PLPP3: variants seen among roughly 807,000 people sequenced by gnomAD.
PLPP3 encodes PAP2 beta.
In PLPP3, 6 loss-of-function variants were observed where a neutral mutation model predicts 29.6. That is an observed-to-expected ratio of 0.20 (90% CI 0.11 to 0.40). The LOEUF is 0.40. PLPP3 is among the 10% of genes least tolerant of loss of function. PLPP3 has a pLI of 1.00. For missense variants in PLPP3, 308 were observed against 407.7 expected (o/e 0.76, Z 2.11); for synonymous variants, 152 against 159.7 (o/e 0.95, Z 0.36).
At chr1:56,542,978 T>C (rs1240520853) in intron 1 of PLPP3, among the ~76,000 whole-genome samples, 1 of 149,212 alleles carries the variant, frequency 6.7e-6, no homozygotes, top group African/African-American at 2.5e-5. Flanking sequence ...ATTGCACCAC[T>C]GCACTCCAGT....
intron 1 of PLPP3, among the ~76,000 whole-genome samples, chr1:56,552,081 A>C (rs1178184619): frequency 6.6e-6 from 1 of 152,122 alleles, no homozygotes; most frequent in Non-Finnish European, 1.5e-5. Flanking sequence ...TCCTATGCAC[A>C]CTGGTTTTTG....
chr1:56,538,958 G>GAAAAAAAAAAAAAA (rs1645948817), intron 1 of PLPP3: 4 of 39,740 alleles, frequency 1.0e-4, no homozygotes, highest in African/African-American at 1.6e-4. Context: ...CTTCTGGGCT[G>GAAAAAAAAAAAAAA]CAAAAAAAAA....
chr1:56,506,569 G>A (rs1294141556), intron 5 of PLPP3, among the ~76,000 whole-genome samples: 1 of 152,204 alleles, frequency 6.6e-6, no homozygotes, highest in Non-Finnish European at 1.5e-5. Context: ...CCACAGCAAT[G>A]GCAGCCGGGC....
chr1:56,515,124 C>A (rs149227716), intron 4 of PLPP3, among the ~76,000 whole-genome samples: 1 of 152,280 alleles, frequency 6.6e-6, no homozygotes, highest in East Asian at 1.9e-4. Flanking sequence ...CCTCCCTGAG[C>A]CTCCATTTTC....
rs912610843 is a variant in PLPP3, at chr1:56,579,126, G to C, written c.-110C>G. 4.2e-6 allele frequency: 6 copies of C among 1,443,512 alleles called. No homozygotes were observed. The African/African-American group carries it at 9.0e-5, about 22-fold the overall frequency. 89.4% of individuals were successfully genotyped at this position (1,443,512 alleles called of 1,614,324 possible). A position where few individuals can be genotyped will look rare whatever the true frequency, so the allele number is the denominator to read the frequency against. On this transcript the variant is annotated 5_prime_UTR_variant, in exon 1 of 6. Coordinates refer to ENST00000371250, the MANE Select transcript of PLPP3 (RefSeq NM_003713.5). Reference sequence around the variant, plus strand: ...GGCCGAGGCTGCTGCGGATAGTGGCGGGTCGGCCCCGGCTCCGGGCGCGGC... The same window carrying C: ...GGCCGAGGCTGCTGCGGATAGTGGCCGGTCGGCCCCGGCTCCGGGCGCGGC...
chr1:56,563,486 T>C (rs1352729538), intron 1 of PLPP3, among the ~76,000 whole-genome samples: 2 of 152,230 alleles, frequency 1.3e-5, no homozygotes, highest in Non-Finnish European at 2.9e-5. Context: ...TCCATTTCTG[T>C]AGAAAATTGG....
chr1:56,538,970 A>AAAAAAAAAAAAAAAAC (rs1005848195), intron 1 of PLPP3: 8 of 150,768 alleles, frequency 5.3e-5, no homozygotes, highest in Non-Finnish European at 8.9e-5. Context: ...AAAAAAAAAA[A>AAAAAAAAAAAAAAAAC]ACACAGTGGA....
At chr1:56,555,433 T>TAAAAAAAAAAAAAAAACAAAAAAA (rs1646068442) in intron 1 of PLPP3, among the ~76,000 whole-genome samples, 1 of 33,216 alleles carries the variant, frequency 3.0e-5, no homozygotes, top group Admixed American at 3.3e-4. Context: ...GGCCAAACAC[T>TAAAAAAAAAAAAAAAACAAAAAAA]AAAAAAAAAA....
At position 56,524,131 on chromosome 1, in the gene PLPP3, G is replaced by T; in HGVS notation, c.575+146C>A. 1 of 990,572 alleles carries T rather than the reference G, an allele frequency of 1.0e-6. No individual in the cohort carries two copies. Among genetic ancestry groups the T allele is most frequent in the Non-Finnish European group, 1.5e-6 (1 of 667,076 alleles). 61.4% of individuals were successfully genotyped at this position (990,572 alleles called of 1,614,324 possible). On this transcript the variant is annotated intron_variant, in intron 3 of 5. Transcript: ENST00000371250. The surrounding 1 kb of genome is among the most constrained non-coding windows in gnomAD (Gnocchi z 4.3). Reference sequence around the variant, plus strand: ...ATCGGAAGTATTGATTTACATATCTGTCTCAATCATCTGACTGTGAGTTCC... The same window carrying T: ...ATCGGAAGTATTGATTTACATATCTTTCTCAATCATCTGACTGTGAGTTCC...
intron 4 of PLPP3, among the ~76,000 whole-genome samples, chr1:56,519,939 A>C (rs1041570495): frequency 6.6e-6 from 1 of 152,082 alleles, no homozygotes; most frequent in Admixed American, 6.5e-5. Context: ...TGCTGTGAAA[A>C]GCCTGGAGTG....
rs530759897 is a variant in PLPP3, at chr1:56,570,136, G to A, written c.139+8742C>T. Among the ~76,000 whole-genome samples, 7 of 152,256 alleles carry A rather than the reference G, an allele frequency of 4.6e-5. No homozygotes were observed. In the East Asian group the frequency reaches 1.2e-3, roughly 25 times the overall value. On this transcript the variant is annotated intron_variant, in intron 1 of 5. Coordinates refer to ENST00000371250, the MANE Select transcript of PLPP3 (RefSeq NM_003713.5). ...TCAAGAATCATCTGCAGAAGACAAG[G>A]CTTATACCTGAAAGACAGGTACAAA... is the stretch of plus-strand genomic sequence containing the variant.
chr1:56,505,185 C>T (rs561903248), intron 5 of PLPP3, among the ~76,000 whole-genome samples: 14 of 152,302 alleles, frequency 9.2e-5, no homozygotes, highest in South Asian at 6.2e-4. Context: ...TAGTACTTAA[C>T]GCACAATTCA....
At chr1:56,532,517 G>T (rs1413270645) in intron 2 of PLPP3, among the ~76,000 whole-genome samples, 1 of 152,158 alleles carries the variant, frequency 6.6e-6, no homozygotes, top group African/African-American at 2.4e-5. Context: ...TGTGGGCAAA[G>T]TGAAGCATGA....
At chr1:56,509,916 G>A (rs571273479) in intron 5 of PLPP3, among the ~76,000 whole-genome samples, 3 of 151,840 alleles carry the variant, frequency 2.0e-5, no homozygotes, top group African/African-American at 7.2e-5. Flanking sequence ...GTAAACGCTA[G>A]GATCAAATTC....
intron 1 of PLPP3, among the ~76,000 whole-genome samples, chr1:56,549,836 G>T (rs11206839): frequency 3.3e-5 from 5 of 152,134 alleles, no homozygotes; most frequent in Non-Finnish European, 7.3e-5. Flanking sequence ...CTCTGCTGAA[G>T]TAGTAGGCAT....
chr1:56,500,940 G>A (rs1353653074), intron 5 of PLPP3, among the ~76,000 whole-genome samples: 1 of 139,406 alleles, frequency 7.2e-6, no homozygotes, highest in African/African-American at 2.7e-5. Flanking sequence ...GGAGGCGGAG[G>A]TTTCAGTGAG....
rs187283277 is a variant in PLPP3, at chr1:56,561,892, G to A, written c.139+16986C>T. Among the ~76,000 whole-genome samples the A allele has an allele frequency of 8.5e-4, 129 of 151,914 alleles. No homozygotes were observed. In the East Asian group the frequency reaches 0.019, roughly 22 times the overall value. ...CTTACTAAAAATAAAAAAATTAGCCGGGCATGGTAGCACACGCCTGTAATC... is the reference window on the plus strand; with the variant it reads ...CTTACTAAAAATAAAAAAATTAGCCAGGCATGGTAGCACACGCCTGTAATC... On this transcript the variant is annotated intron_variant, in intron 1 of 5. Transcript: ENST00000371250.
chr1:56,561,156 C>T (rs796509599), intron 1 of PLPP3, among the ~76,000 whole-genome samples: 4 of 151,960 alleles, frequency 2.6e-5, no homozygotes, highest in African/African-American at 7.2e-5. Context: ...CCAGAGCCCT[C>T]TTTAAGGCAA....
chr1:56,557,075 A>G (rs1353022031), intron 1 of PLPP3, among the ~76,000 whole-genome samples: 1 of 134,970 alleles, frequency 7.4e-6, no homozygotes, highest in South Asian at 2.4e-4. Context: ...AGAAAGAAAG[A>G]AAAAATGAGA....
Sources: allele counts gnomAD v4.1 joint callset (sites outside exome capture counted in the v4.1 genomes callset), GRCh38; gene constraint gnomAD v4.1.1; non-coding constraint Gnocchi (gnomAD v3.1); transcripts MANE v1.5; gene names NCBI Gene and HGNC (gene_info 2026-07-23, HGNC 2026-07-21).